Variants in SYT16 observed in about 807,000 individuals in gnomAD.
SYT16 encodes synaptotagmin-16.
Under a neutral mutation model 61.4 loss-of-function variants are expected in SYT16, and 42 were observed. The ratio of observed to expected loss-of-function variants is 0.68; its 90% CI spans 0.53 to 0.89. The LOEUF (loss-of-function observed/expected upper bound fraction) is 0.89. Among genes scored for constraint, SYT16 ranks in the 40% least tolerant of loss-of-function variants. SYT16 has a pLI of 0.00. For missense variants in SYT16, 804 were observed against 807.3 expected (o/e 1.00, Z 0.05); for synonymous variants, 314 against 302.3 (o/e 1.04, Z -0.40).
intron 3 of SYT16, among the ~76,000 whole-genome samples, chr14:62,039,311 T>C (rs546826907): frequency 6.6e-6 from 1 of 152,332 alleles, no homozygotes; most frequent in East Asian, 1.9e-4. Flanking sequence ...TTGGTCATTA[T>C]GAATAGAATG....
chr14:61,847,254 C>G (rs904061136), intron 1 of SYT16, among the ~76,000 whole-genome samples: 8 of 152,136 alleles, frequency 5.3e-5, no homozygotes, highest in Non-Finnish European at 1.2e-4. Context: ...TGAAATCTTT[C>G]AGCTTTCGTT....
At chr14:62,046,626 T>C (rs538131588) in intron 3 of SYT16, among the ~76,000 whole-genome samples, 1 of 152,366 alleles carries the variant, frequency 6.6e-6, no homozygotes, top group African/African-American at 2.4e-5. Context: ...GAATTAATTT[T>C]TATATAAGGT....
intron 3 of SYT16, among the ~76,000 whole-genome samples, chr14:62,062,062 G>GT: frequency 6.6e-6 from 1 of 152,246 alleles, no homozygotes; most frequent in African/African-American, 2.4e-5. Flanking sequence ...ATAGTGCTTT[G>GT]TATGTTACTA....
At chr14:61,870,465 T>C (rs2047297474) in intron 1 of SYT16, among the ~76,000 whole-genome samples, 1 of 152,110 alleles carries the variant, frequency 6.6e-6, no homozygotes, top group Non-Finnish European at 1.5e-5. Flanking sequence ...TCTTATTGTT[T>C]CTGCTTGGGG....
At chr14:61,961,865 C>T (rs1269688595) in intron 1 of SYT16, among the ~76,000 whole-genome samples, 1 of 152,104 alleles carries the variant, frequency 6.6e-6, no homozygotes, top group Non-Finnish European at 1.5e-5. Flanking sequence ...TGGAATCAAC[C>T]TAAATGCCCA....
intron 1 of SYT16, among the ~76,000 whole-genome samples, chr14:61,860,483 T>C (rs1403434182): frequency 6.6e-6 from 1 of 152,162 alleles, no homozygotes; most frequent in East Asian, 1.9e-4. Flanking sequence ...GTGCACAAAG[T>C]GGCCAGTTGG....
At chr14:62,011,891 A>ACACACG (rs2053471083) in intron 3 of SYT16, among the ~76,000 whole-genome samples, 1 of 130,150 alleles carries the variant, frequency 7.7e-6, no homozygotes, top group Admixed American at 8.2e-5. Flanking sequence ...ACACACACAC[A>ACACACG]CACACACACA....
intron 1 of SYT16, among the ~76,000 whole-genome samples, chr14:61,828,026 G>A (rs148361318): frequency 0.041 from 6,284 of 152,246 alleles, 222 homozygotes; most frequent in Non-Finnish European, 0.063. Flanking sequence ...ATTAGAGCGA[G>A]CCCCAATTCA....
intron 3 of SYT16, among the ~76,000 whole-genome samples, chr14:62,036,541 C>T (rs1221267296): frequency 1.3e-5 from 2 of 152,040 alleles, no homozygotes; most frequent in Non-Finnish European, 1.5e-5. Context: ...TAAAGACATA[C>T]CCAAAACTGC....
intron 1 of SYT16, among the ~76,000 whole-genome samples, chr14:61,923,245 A>T (rs1314550626): frequency 6.6e-6 from 1 of 152,194 alleles, no homozygotes; most frequent in East Asian, 1.9e-4. Context: ...GATCAATACA[A>T]CTTAACAACT....
At chr14:61,873,256 G>C (rs574941161) in intron 1 of SYT16, among the ~76,000 whole-genome samples, 1 of 152,148 alleles carries the variant, frequency 6.6e-6, no homozygotes, top group Non-Finnish European at 1.5e-5. Context: ...TTCTTTCCCC[G>C]AAAGAGTTAT....
intron 2 of SYT16, among the ~76,000 whole-genome samples, chr14:61,987,742 TC>T (rs141904147): frequency 0.68 from 98,013 of 143,724 alleles, 32,465 homozygotes; most frequent in East Asian, 0.77. Flanking sequence ...ATGATTTTTT[TC>T]CTTTTTTTTT....
chr14:62,099,276 A>T (rs1566848490), intron 7 of SYT16, among the ~76,000 whole-genome samples: 1 of 152,184 alleles, frequency 6.6e-6, no homozygotes. Context: ...AAGGTGAGAA[A>T]TGCTGGCACC....
intron 2 of SYT16, among the ~76,000 whole-genome samples, chr14:61,981,059 G>A (rs2052053080): frequency 6.6e-6 from 1 of 152,138 alleles, no homozygotes; most frequent in African/African-American, 2.4e-5. Flanking sequence ...TGAGCTGATA[G>A]ACTGGAGATC....
chr14:61,935,635 C>T (rs1053458499), intron 1 of SYT16, among the ~76,000 whole-genome samples: 7 of 152,128 alleles, frequency 4.6e-5, no homozygotes, highest in Non-Finnish European at 2.9e-5. Context: ...TGGCAGTTTC[C>T]CTTCAACCTA....
rs567797976 is a variant in SYT16, at chr14:61,836,083, T to G, written c.-325+23273T>G. ...TGGAGCGTAGCAATCAGTGTTTTGA[T>G]TAGCCCCCCAGGTGATTCTGGTACT... is the stretch of plus-strand genomic sequence containing the variant. On this transcript the variant is annotated intron_variant, in intron 1 of 7. Transcript: ENST00000683842. Among the ~76,000 whole-genome samples, 411 of 152,312 alleles carry G rather than the reference T, an allele frequency of 2.7e-3. 2 individuals carry two copies. The highest frequency in any genetic ancestry group is 3.2e-3 in the Non-Finnish European group (217 of 68,024).
intron 1 of SYT16, among the ~76,000 whole-genome samples, chr14:61,884,896 A>G (rs1408091047): frequency 6.6e-6 from 1 of 152,138 alleles, no homozygotes; most frequent in Non-Finnish European, 1.5e-5. Flanking sequence ...AAGTCTCCAG[A>G]AGATTTCTCT....
Position 62,102,548 on chromosome 14 carries a change from C to G in SYT16, c.*1841C>G, listed in dbSNP as rs1039142837. On this transcript the variant is annotated 3_prime_UTR_variant, in exon 8 of 8. Transcript: ENST00000683842. ...TCCATTAACTGCTGAGTGGTCTTTGCAGCGTGGCTAAGTCATTGAGTAGAA... is the reference window on the plus strand; with the variant it reads ...TCCATTAACTGCTGAGTGGTCTTTGGAGCGTGGCTAAGTCATTGAGTAGAA... 1 of 152,082 alleles carries G rather than the reference C, an allele frequency of 6.6e-6. No homozygotes were observed. The highest frequency in any genetic ancestry group is 1.5e-5 in the Non-Finnish European group (1 of 68,008). The allele number at this position is 152,082 out of a possible 1,614,324, so 9.4% of individuals were successfully genotyped here.
chr14:62,067,991 AAAG>A lies in SYT16; in HGVS notation c.524-1609_524-1607del, dbSNP rs1478194177. On this transcript the variant is annotated intron_variant, in intron 3 of 7. Coordinates refer to ENST00000683842, the MANE Select transcript of SYT16 (RefSeq NM_001367656.1). ...GCAGAGCGAGACTCTGTCTCAAAGA[AAAG>A]AAAAAAAATTAATAATATACTACTA... Among the ~76,000 whole-genome samples the A allele has an allele frequency of 7.2e-5, 11 of 152,284 alleles. 1 individual carries two copies. Among genetic ancestry groups the A allele is most frequent in the Admixed American group, 5.9e-4 (9 of 15,302 alleles).
Sources: gnomAD v4.1 joint callset for allele counts (sites outside exome capture counted in the v4.1 genomes callset) on GRCh38, gnomAD v4.1.1 for gene constraint, MANE v1.5 for transcripts, NCBI Gene and HGNC (gene_info 2026-07-23, HGNC 2026-07-21) for gene names.